PTP4A2: variants seen among roughly 807,000 people sequenced by gnomAD.
The protein encoded by PTP4A2 is protein tyrosine phosphatase 4A2.
A neutral mutation model predicts 22.9 loss-of-function variants in PTP4A2; 2 were observed. The ratio of observed to expected loss-of-function variants is 0.09; its 90% CI spans 0.04 to 0.27. The LOEUF (loss-of-function observed/expected upper bound fraction) is 0.27, where lower values mean the gene tolerates loss of function less well. Among genes scored for constraint, PTP4A2 ranks in the 10% least tolerant of loss-of-function variants. PTP4A2 has a pLI of 1.00. For missense variants in PTP4A2, 103 were observed against 205.1 expected (o/e 0.50, Z 3.04); for synonymous variants, 68 against 69.1 (o/e 0.98, Z 0.08).
rs72665000 is a variant in PTP4A2, at chr1:31,931,526, G to A, written c.-594+6461C>T. Among the ~76,000 whole-genome samples the A allele has an allele frequency of 2.0e-4, 30 of 152,234 alleles. 1 individual carries two copies. The South Asian group carries it at 6.2e-3, about 32-fold the overall frequency. ...CCTCCCCTGATCTACTGAGCAAGCAGCTCCGTAATTACCAAAAAGCTTAAC... is the reference window on the plus strand; with the variant it reads ...CCTCCCCTGATCTACTGAGCAAGCAACTCCGTAATTACCAAAAAGCTTAAC... On this transcript the variant is annotated intron_variant, in intron 1 of 5. Transcript: ENST00000647444.
chr1:31,918,174 G>A (rs937198969), intron 2 of PTP4A2, among the ~76,000 whole-genome samples: 7 of 151,972 alleles, frequency 4.6e-5, no homozygotes, highest in Admixed American at 2.0e-4. Flanking sequence ...GCGTGAACCC[G>A]GGAGGGGGAA....
intron 3 of PTP4A2, chr1:31,914,209 G>A (rs1182546822): frequency 6.6e-6 from 3 of 452,192 alleles, no homozygotes; most frequent in Non-Finnish European, 8.9e-6. Flanking sequence ...TAGGACTATA[G>A]GTGCATGCCA....
chr1:31,936,669 C>T (rs1652946581), intron 1 of PTP4A2, among the ~76,000 whole-genome samples: 1 of 152,170 alleles, frequency 6.6e-6, no homozygotes, highest in Non-Finnish European at 1.5e-5. Context: ...CATTATGAAA[C>T]TTAAAAATGC....
At chr1:31,937,681 T>G (rs1188213427) in intron 1 of PTP4A2, 3 of 137,538 alleles carry the variant, frequency 2.2e-5, no homozygotes, top group African/African-American at 8.3e-5. Context: ...TCCCCCAACA[T>G]CGACACTGCC....
At chr1:31,913,990 C>T in intron 3 of PTP4A2, 6 of 416,648 alleles carry the variant, frequency 1.4e-5, no homozygotes, top group South Asian at 1.1e-4. Flanking sequence ...CACTCATTCC[C>T]AGTGATTTCC....
chr1:31,922,631 TTTCTTTTA>T (rs1457197367), intron 1 of PTP4A2, among the ~76,000 whole-genome samples: 4 of 118,854 alleles, frequency 3.4e-5, no homozygotes, highest in Admixed American at 7.9e-5. Context: ...TCTTTCTTTC[TTTCTTTTA>T]TTTATTTTGA....
At position 31,908,112 on chromosome 1, in the gene PTP4A2, A is replaced by AG. The variant is rs1327337633; in HGVS notation, c.*739_*740insC. The AG allele has an allele frequency of 5.3e-5, 1 of 18,776 alleles. No individual in the cohort carries two copies. Among genetic ancestry groups the AG allele is most frequent in the African/African-American group, 4.9e-4 (1 of 2,056 alleles). 1.2% of individuals were successfully genotyped at this position (18,776 alleles called of 1,614,324 possible). On this transcript the variant is annotated 3_prime_UTR_variant, in exon 6 of 6. Transcript: ENST00000647444. ...CAGTAAAGACTAAAAACCACCTGGA[A>AG]AATATATATATATATATATATATTA...
chr1:31,910,192 C>T, intron 4 of PTP4A2, 80 bp from the exon 5 acceptor site: 1 of 1,004,244 alleles, frequency 1.0e-6, no homozygotes, highest in Non-Finnish European at 1.5e-6. Flanking sequence ...TGCATATTAC[C>T]AATGCAACGC....
At chr1:31,913,110 T>A (rs998514466) in intron 3 of PTP4A2, 1 of 414,610 alleles carries the variant, frequency 2.4e-6, no homozygotes, top group Non-Finnish European at 4.8e-6. Flanking sequence ...TTTAGAAACA[T>A]CTGAACCTCA....
At position 31,915,902 on chromosome 1, in the gene PTP4A2, T is replaced by A; in HGVS notation, c.182A>T (p.His61Leu). Residue 61 changes from histidine to leucine, a missense_variant, in exon 3 of 6, where the codon CAC (histidine) becomes CTC (leucine). Around this residue, in one of 3 missense-constraint regions of PTP4A2, gnomAD observed 66 missense variants for 113.0 expected, o/e 0.58. Transcript: ENST00000647444. ...DKAPVEKEGI[H>L]VLDWPFDDGA... ...TAAATACTACACACTCACTAGAACGTGGATTCCTTCTTTTTCAACTGGAGC... is the reference window on the plus strand; with the variant it reads ...TAAATACTACACACTCACTAGAACGAGGATTCCTTCTTTTTCAACTGGAGC... 1 of 1,597,218 alleles carries A rather than the reference T, an allele frequency of 6.3e-7. No homozygotes were observed. The highest frequency in any genetic ancestry group is 8.5e-7 in the Non-Finnish European group (1 of 1,170,882).
chr1:31,929,186 G>A (rs1336106640), intron 1 of PTP4A2, among the ~76,000 whole-genome samples: 3 of 152,080 alleles, frequency 2.0e-5, no homozygotes, highest in Non-Finnish European at 2.9e-5. Context: ...TTCTCAAAAT[G>A]AATCTCTTAT....
At chr1:31,921,199 T>C (rs180796692) in intron 1 of PTP4A2, among the ~76,000 whole-genome samples, 2 of 152,324 alleles carry the variant, frequency 1.3e-5, no homozygotes, top group Admixed American at 6.5e-5. Context: ...TCTTGAGTAG[T>C]TGTTACAACA....
intron 1 of PTP4A2, among the ~76,000 whole-genome samples, chr1:31,936,309 C>T (rs1481615509): frequency 2.0e-5 from 3 of 151,744 alleles, no homozygotes; most frequent in African/African-American, 7.3e-5. Context: ...TGTGGTGGCA[C>T]ACACTTGTAT....
At chr1:31,916,054 T>C in intron 2 of PTP4A2, 67 bp from the exon 3 acceptor site, 2 of 1,132,588 alleles carry the variant, frequency 1.8e-6, no homozygotes, top group South Asian at 2.9e-5. Flanking sequence ...TGTAGAAATG[T>C]ACTATTATAG....
chr1:31,913,225 G>T (rs1206692119), intron 3 of PTP4A2, among the ~76,000 whole-genome samples: 1 of 152,168 alleles, frequency 6.6e-6, no homozygotes. Flanking sequence ...CTCTTACCAT[G>T]AAATGTTCCA....
chr1:31,915,489 G>C (rs935188639), intron 3 of PTP4A2: 1 of 151,824 alleles, frequency 6.6e-6, no homozygotes, highest in Non-Finnish European at 1.5e-5. Flanking sequence ...CAAGTAGCTG[G>C]GACTACAAAT....
chr1:31,918,173 C>T (rs1160025716), intron 2 of PTP4A2, among the ~76,000 whole-genome samples: 4 of 150,720 alleles, frequency 2.7e-5, no homozygotes, highest in Non-Finnish European at 1.5e-5. Context: ...GGCGTGAACC[C>T]GGGAGGGGGA....
chr1:31,925,255 A>G lies in PTP4A2; in HGVS notation c.-593-5597T>C, dbSNP rs1216109102. Reference sequence around the variant, plus strand: ...CCTTTAAAAAAAATTCTAAGGTGATAAGAACCCTATAATGATTTACAATCA... The same window carrying G: ...CCTTTAAAAAAAATTCTAAGGTGATGAGAACCCTATAATGATTTACAATCA... On this transcript the variant is annotated intron_variant, in intron 1 of 5. Transcript: ENST00000647444. 3.3e-5 allele frequency among the ~76,000 whole-genome samples: 5 copies of G among 152,364 alleles called. No individual in the cohort carries two copies. In the South Asian group the frequency reaches 6.2e-4, roughly 19 times the overall value.
chr1:31,916,083 C>T, intron 2 of PTP4A2, 96 bp from the exon 3 acceptor site: 5 of 755,424 alleles, frequency 6.6e-6, no homozygotes, highest in Non-Finnish European at 6.3e-6. Flanking sequence ...GGGTGGTTCA[C>T]GCCTATAATC....
Sources: allele counts gnomAD v4.1 joint callset (sites outside exome capture counted in the v4.1 genomes callset), GRCh38; gene constraint gnomAD v4.1.1; regional missense constraint gnomAD v4.1.1; transcripts MANE v1.5; gene names NCBI Gene and HGNC (gene_info 2026-07-23, HGNC 2026-07-21).